SCLY: variants seen among roughly 807,000 people sequenced by gnomAD.
SCLY encodes the protein selenocysteine lyase, also known as putative selenocysteine lyase.
In SCLY, 38 loss-of-function variants were observed where a neutral mutation model predicts 50.1. The ratio of observed to expected loss-of-function variants is 0.76; its 90% CI spans 0.59 to 0.99. The LOEUF is 0.99. SCLY is among the 50% of genes least tolerant of loss of function. The pLI is 0.00. For synonymous variants in SCLY, 243 were observed against 249.4 expected, an observed-to-expected ratio of 0.97 and a Z score of 0.24; for missense variants, 600 against 620.0, an observed-to-expected ratio of 0.97 and a Z score of 0.34.
In SCLY at chr2:238,098,935, G is replaced by A; in HGVS notation, c.*580G>A. 4.5e-6 allele frequency: 1 copy of A among 222,142 alleles called. No homozygotes were observed. Among genetic ancestry groups the A allele is most frequent in the Non-Finnish European group, 8.9e-6 (1 of 112,230 alleles). 13.8% of individuals were successfully genotyped at this position (222,142 alleles called of 1,614,324 possible). On this transcript the variant is annotated 3_prime_UTR_variant, in exon 12 of 12. Coordinates refer to ENST00000254663, the MANE Select transcript of SCLY (RefSeq NM_016510.7). ...TTTCCAAAGCTGCCCCCACCACCCT[G>A]CTCCTCTGGCCTCAGTGCACAGTGG...
chr2:238,084,590 CAAAAAA>C (rs539648649), intron 7 of SCLY, among the ~76,000 whole-genome samples: 4 of 44,692 alleles, frequency 9.0e-5, no homozygotes, highest in Admixed American at 4.1e-4. Context: ...GACTCTGTCT[CAAAAAA>C]AAAAAAAAAA....
At chr2:238,077,023 T>G (rs1200909908) in intron 4 of SCLY, among the ~76,000 whole-genome samples, 1 of 152,186 alleles carries the variant, frequency 6.6e-6, no homozygotes, top group Non-Finnish European at 1.5e-5. Flanking sequence ...TTGTTAAAAT[T>G]CTGCCTAGTT....
intron 3 of SCLY, among the ~76,000 whole-genome samples, chr2:238,068,694 A>G (rs184794847): frequency 2.0e-5 from 3 of 152,354 alleles, no homozygotes; most frequent in Middle Eastern, 3.4e-3. Flanking sequence ...TGTTATTTCC[A>G]TAAAGGTTTC....
chr2:238,085,681 C>T (rs1246925085), intron 7 of SCLY, among the ~76,000 whole-genome samples: 3 of 151,998 alleles, frequency 2.0e-5, no homozygotes, highest in Middle Eastern at 3.4e-3. Context: ...GAGCCGAGAT[C>T]GTGCCACTCC....
chr2:238,078,655 T>C (rs1285591521), intron 4 of SCLY: 2 of 152,100 alleles, frequency 1.3e-5, no homozygotes, highest in Non-Finnish European at 2.9e-5. Context: ...ATTACATCTA[T>C]ATATGTTACA....
intron 4 of SCLY, among the ~76,000 whole-genome samples, chr2:238,077,847 A>G (rs1157844129): frequency 1.3e-5 from 2 of 152,106 alleles, no homozygotes; most frequent in Non-Finnish European, 2.9e-5. Context: ...TCTAAGACTT[A>G]TCTTTGATGT....
intron 4 of SCLY, among the ~76,000 whole-genome samples, chr2:238,074,643 C>G (rs559094455): frequency 2.0e-5 from 3 of 152,008 alleles, no homozygotes; most frequent in African/African-American, 7.2e-5. Context: ...GCCACCATGC[C>G]CGGCTAATTT....
At chr2:238,061,782 C>T (rs1023701943) in intron 1 of SCLY, among the ~76,000 whole-genome samples, 4 of 152,114 alleles carry the variant, frequency 2.6e-5, no homozygotes, top group African/African-American at 9.7e-5. Context: ...CTGCAGGAAA[C>T]GGGATGGCCA....
At position 238,083,375 on chromosome 2, in the gene SCLY, A is replaced by G; in HGVS notation, c.884+21A>G. 1 of 1,506,808 alleles carries G rather than the reference A, an allele frequency of 6.6e-7. No individual in the cohort carries two copies. The allele number at this position is 1,506,808 out of a possible 1,614,324, so 93.3% of individuals were successfully genotyped here. A position where few individuals can be genotyped will look rare whatever the true frequency, so the allele number is the denominator to read the frequency against. On this transcript the variant is annotated intron_variant, in intron 7 of 11. Transcript: ENST00000254663. This position sits in a 1 kb window ranked among gnomAD's most constrained non-coding sequence, Gnocchi z 4.3. ...CCAGGGTAAGGCAGAAAGTTAACAA[A>G]GTCTCTGACCTACTGACCGTGTCAT...
intron 6 of SCLY, chr2:238,082,877 C>A: frequency 3.1e-6 from 1 of 320,754 alleles, no homozygotes. Flanking sequence ...AAAGCCCTGG[C>A]CAACCGCTGG....
At chr2:238,093,614 G>A in intron 8 of SCLY, 1 of 521,414 alleles carries the variant, frequency 1.9e-6, no homozygotes, top group Non-Finnish European at 3.4e-6. Flanking sequence ...GCTCCTCGAG[G>A]GAGCCCTTTC....
At position 238,090,048 on chromosome 2, in the gene SCLY, A is replaced by G. The variant is rs143286788; in HGVS notation, c.885-1170A>G. Among the ~76,000 whole-genome samples, 935 of 152,340 alleles carry G rather than the reference A, an allele frequency of 6.1e-3. 25 individuals carry two copies. The highest frequency in any genetic ancestry group is 5.4e-3 in the East Asian group (28 of 5,196). ...GACAAAGAAATGGTATCTAGAATAT[A>G]TAAAGAACTCACAAAACTCAACAGC... is the stretch of plus-strand genomic sequence containing the variant. On this transcript the variant is annotated intron_variant, in intron 7 of 11. Transcript: ENST00000254663.
Position 238,068,031 on chromosome 2 carries a change from C to T in SCLY, c.203-34C>T. 2.0e-6 allele frequency: 3 copies of T among 1,483,042 alleles called. No homozygotes were observed. The South Asian group carries it at 3.5e-5, about 17-fold the overall frequency. 91.9% of individuals were successfully genotyped at this position (1,483,042 alleles called of 1,614,324 possible). A position where few individuals can be genotyped will look rare whatever the true frequency, so the allele number is the denominator to read the frequency against. ...GATGCGTTGATTGAGCTTGGTGAAG[C>T]AATGTTAATGAATTTCCTTTTTGGT... On this transcript the variant is annotated intron_variant, in intron 2 of 11. Coordinates refer to ENST00000254663, the MANE Select transcript of SCLY (RefSeq NM_016510.7).
chr2:238,081,459 A>C (rs527687465), intron 4 of SCLY: 80 of 448,374 alleles, frequency 1.8e-4, no homozygotes, highest in African/African-American at 1.3e-3. Flanking sequence ...CCGTAGAAGC[A>C]GAAAGGCACA....
intron 9 of SCLY, 136 bp downstream of exon 9, chr2:238,094,080 G>A: frequency 1.3e-6 from 1 of 794,926 alleles, no homozygotes; most frequent in African/African-American, 1.7e-5. Flanking sequence ...AGGATGCAGT[G>A]AGGGAAGAAA....
intron 4 of SCLY, among the ~76,000 whole-genome samples, chr2:238,076,046 CTT>C (rs34627467): frequency 0.3 from 39,667 of 132,598 alleles, 5,991 homozygotes; most frequent in East Asian, 0.52. Flanking sequence ...TGATTTGTTC[CTT>C]TTTTTTTTTT....
chr2:238,082,199 T>C lies in SCLY; in HGVS notation c.767T>C (p.Val256Ala). The change falls in exon 6 of 12, where the codon GTG (valine) becomes GCG (alanine). Residue 256 changes from valine (V) to alanine (A), a missense_variant. Physicochemically the swap from Val to Ala is moderately conservative, Grantham distance 64. Transcript: ENST00000254663. ...EDLGVDFLTIVGHKFYGPRIG... is the reference protein window; with the variant it reads ...EDLGVDFLTIAGHKFYGPRIG... ...CTGGGCGTGGACTTCCTTACAATCG[T>C]GGGGCACAAGGTAAGTCTGCAGAGG... 1 of 1,606,506 alleles carries C rather than the reference T, an allele frequency of 6.2e-7. No homozygotes were observed. Among genetic ancestry groups the C allele is most frequent in the Non-Finnish European group, 8.5e-7 (1 of 1,176,714 alleles).
intron 8 of SCLY, 28 bp from the exon 9 acceptor site, chr2:238,093,833 C>A (rs1252271227): frequency 1.9e-6 from 3 of 1,583,618 alleles, no homozygotes; most frequent in South Asian, 2.2e-5. Flanking sequence ...AAGAATTGTG[C>A]ATCCACTTGT....
intron 2 of SCLY, chr2:238,064,763 C>A (rs1390900750): frequency 9.7e-6 from 2 of 206,272 alleles, no homozygotes; most frequent in Non-Finnish European, 9.7e-6. Flanking sequence ...GCAGTCAGTA[C>A]CTGTGGAGCA....
Sources: allele counts gnomAD v4.1 joint callset (sites outside exome capture counted in the v4.1 genomes callset), GRCh38; gene constraint gnomAD v4.1.1; non-coding constraint Gnocchi (gnomAD v3.1); transcripts MANE v1.5; gene names NCBI Gene and HGNC (gene_info 2026-07-23, HGNC 2026-07-21).